HECW2: variants seen among roughly 807,000 people sequenced by gnomAD.
The protein encoded by HECW2 is HECT, C2 and WW domain containing E3 ubiquitin protein ligase 2, also known as E3 ubiquitin-protein ligase HECW2.
Under a neutral mutation model 175.2 loss-of-function variants are expected in HECW2, and 61 were observed. The observed-to-expected ratio is 0.35, with a 90% CI of 0.28 to 0.43. HECW2 has a LOEUF of 0.43. Ranked by LOEUF, HECW2 falls within the 20% of genes least tolerant of loss-of-function variation. HECW2 has a pLI of 1.00. For synonymous variants in HECW2, 671 were observed against 731.0 expected (o/e 0.92, Z 1.32); for missense variants, 1,524 against 2,000.5 (o/e 0.76, Z 4.54).
intron 20 of HECW2, 125 bp downstream of exon 20, chr2:196,241,959 A>G: frequency 1.6e-5 from 14 of 852,408 alleles, no homozygotes; most frequent in Non-Finnish European, 2.6e-5. Context: ...TACAAATTCC[A>G]AAATAATTAT....
intron 3 of HECW2, among the ~76,000 whole-genome samples, chr2:196,342,625 T>A (rs190424193): frequency 6.6e-6 from 1 of 152,152 alleles, no homozygotes; most frequent in African/African-American, 2.4e-5. Context: ...AGGCACTATA[T>A]ATGAGCATTT....
At position 196,371,499 on chromosome 2, in the gene HECW2, TG is replaced by T. The variant is rs1693908896; in HGVS notation, c.293-27736del. The stretch of plus-strand genomic sequence containing the variant: ...ACAGTGCTCCACAAAATGTGGGCCA[TG>T]GGTAAGTGCTGGTCCATGAATTGGT... On this transcript the variant is annotated intron_variant, in intron 2 of 28. Transcript: ENST00000644978. Among the ~76,000 whole-genome samples the T allele has an allele frequency of 2.0e-5, 3 of 152,340 alleles. No homozygotes were observed. The Middle Eastern group carries it at 0.01, about 518-fold the overall frequency.
intron 2 of HECW2, among the ~76,000 whole-genome samples, chr2:196,351,931 C>A (rs188057207): frequency 6.6e-6 from 1 of 152,144 alleles, no homozygotes; most frequent in Non-Finnish European, 1.5e-5. Flanking sequence ...ACAAATTTAC[C>A]AGCAAGTACC....
chr2:196,241,124 G>A (rs7599047), intron 20 of HECW2, among the ~76,000 whole-genome samples: 4,221 of 152,306 alleles, frequency 0.028, 167 homozygotes, highest in African/African-American at 0.093. Flanking sequence ...AATGATGAGT[G>A]TGGCAGGTTA....
chr2:196,446,705 G>A (rs1302377651), intron 1 of HECW2, among the ~76,000 whole-genome samples: 1 of 152,126 alleles, frequency 6.6e-6, no homozygotes, highest in Non-Finnish European at 1.5e-5. Flanking sequence ...ACCAACTGAT[G>A]CTTACCATTA....
chr2:196,398,323 G>C (rs919592285), intron 2 of HECW2, among the ~76,000 whole-genome samples: 2 of 152,164 alleles, frequency 1.3e-5, no homozygotes, highest in African/African-American at 4.8e-5. Context: ...TATGCATGCA[G>C]AGAAACACAG....
At chr2:196,277,037 A>G (rs1451229441) in intron 15 of HECW2, among the ~76,000 whole-genome samples, 3 of 152,226 alleles carry the variant, frequency 2.0e-5, no homozygotes, top group Non-Finnish European at 4.4e-5. Context: ...TCCAAATTCT[A>G]TTGTCTAAGG....
At chr2:196,212,246 G>C (rs930973626) in intron 28 of HECW2, among the ~76,000 whole-genome samples, 1 of 151,888 alleles carries the variant, frequency 6.6e-6, no homozygotes, top group Admixed American at 6.6e-5. Context: ...GTTTGTTATA[G>C]AGGTAAACCT....
At chr2:196,394,256 A>G (rs1248680533) in intron 2 of HECW2, among the ~76,000 whole-genome samples, 2 of 152,206 alleles carry the variant, frequency 1.3e-5, no homozygotes, top group African/African-American at 4.8e-5. Flanking sequence ...CATACGTAAC[A>G]AATGTGCACG....
At chr2:196,493,652 C>T (rs972112630) in intron 1 of HECW2, among the ~76,000 whole-genome samples, 1 of 152,130 alleles carries the variant, frequency 6.6e-6, no homozygotes, top group Non-Finnish European at 1.5e-5. Context: ...TCTTCTTTGT[C>T]AAGGGCTTAA....
chr2:196,590,954 C>T (rs1691168839), intron 1 of HECW2, among the ~76,000 whole-genome samples: 1 of 152,184 alleles, frequency 6.6e-6, no homozygotes, highest in South Asian at 2.1e-4. Flanking sequence ...AAATTTAGTC[C>T]TGTGGCTGGC....
At chr2:196,490,353 T>A (rs1687145159) in intron 1 of HECW2, among the ~76,000 whole-genome samples, 1 of 152,220 alleles carries the variant, frequency 6.6e-6, no homozygotes, top group African/African-American at 2.4e-5. Context: ...TCAGCCACAC[T>A]ATCTGTCACC....
chr2:196,210,776 G>C (rs1408469109), intron 28 of HECW2, among the ~76,000 whole-genome samples: 1 of 128,136 alleles, frequency 7.8e-6, no homozygotes, highest in African/African-American at 3.5e-5. Flanking sequence ...ACCATGCCTG[G>C]CTAATTTTTG....
chr2:196,574,291 G>A (rs570992230), intron 1 of HECW2, among the ~76,000 whole-genome samples: 7 of 152,016 alleles, frequency 4.6e-5, no homozygotes, highest in Non-Finnish European at 1.0e-4. Flanking sequence ...TTAGCTGGGC[G>A]TGGTGGTATG....
At chr2:196,356,218 A>G (rs1214442779) in intron 2 of HECW2, among the ~76,000 whole-genome samples, 2 of 152,226 alleles carry the variant, frequency 1.3e-5, no homozygotes, top group Non-Finnish European at 2.9e-5. Context: ...TAAACCTCTA[A>G]CAACCCTTTA....
intron 27 of HECW2, among the ~76,000 whole-genome samples, 183 bp from the exon 28 acceptor site, chr2:196,216,160 GAA>G (rs1277551271): frequency 6.6e-6 from 1 of 152,184 alleles, no homozygotes; most frequent in Non-Finnish European, 1.5e-5. Flanking sequence ...ATAATACTAA[GAA>G]AGAGAATACT....
intron 2 of HECW2, among the ~76,000 whole-genome samples, chr2:196,356,535 T>C (rs1462136318): frequency 1.3e-5 from 2 of 152,230 alleles, no homozygotes; most frequent in Non-Finnish European, 2.9e-5. Flanking sequence ...ATACTGTAGA[T>C]GCTCCCTGCT....
chr2:196,331,626 G>A (rs1331579339), intron 4 of HECW2, among the ~76,000 whole-genome samples: 2 of 152,074 alleles, frequency 1.3e-5, no homozygotes, highest in Non-Finnish European at 2.9e-5. Flanking sequence ...TATGAGAAAC[G>A]AAAGAAAATG....
chr2:196,225,069 G>A (rs1197580357), intron 23 of HECW2, among the ~76,000 whole-genome samples: 1 of 152,148 alleles, frequency 6.6e-6, no homozygotes, highest in Non-Finnish European at 1.5e-5. Context: ...CATTCTCATC[G>A]CAAATTTGAG....
Sources: allele counts gnomAD v4.1 joint callset (sites outside exome capture counted in the v4.1 genomes callset), GRCh38; gene constraint gnomAD v4.1.1; transcripts MANE v1.5; gene names NCBI Gene and HGNC (gene_info 2026-07-23, HGNC 2026-07-21).